RIC3: variants seen among roughly 807,000 people sequenced by gnomAD.
RIC3 encodes RIC3 acetylcholine receptor chaperone, also known as protein RIC-3.
A neutral mutation model predicts 27.3 loss-of-function variants in RIC3; 28 were observed. The ratio of observed to expected loss-of-function variants is 1.02; its 90% CI spans 0.76 to 1.41. The LOEUF (loss-of-function observed/expected upper bound fraction) is 1.41, where lower values mean the gene tolerates loss of function less well. Among genes scored for constraint, RIC3 ranks in the 40% most tolerant of loss-of-function variants. RIC3 has a pLI of 0.00. For synonymous variants in RIC3, 184 were observed against 160.4 expected (o/e 1.15, Z -1.11); for missense variants, 501 against 444.7 (o/e 1.13, Z -1.14).
At chr11:8,111,755 T>C (rs956533828) in intron 5 of RIC3, among the ~76,000 whole-genome samples, 6 of 152,150 alleles carry the variant, frequency 3.9e-5, no homozygotes, top group Non-Finnish European at 4.4e-5. Flanking sequence ...CTTCACAAAA[T>C]GGAACAAAAG....
At position 8,106,411 on chromosome 11, in the gene RIC3, C is replaced by G. The variant is rs1269882146; in HGVS notation, c.*4287G>C. 1 of 152,216 alleles carries G rather than the reference C, an allele frequency of 6.6e-6. No homozygotes were observed. The highest frequency in any genetic ancestry group is 2.4e-5 in the African/African-American group (1 of 41,450). The allele number at this position is 152,216 out of a possible 1,614,324, so 9.4% of individuals were successfully genotyped here. ...CATGTGGGTCAACACTGTCCTTCCTCTGGCCTGTGCCTTTCAAGTTTAAGG... is the reference window on the plus strand; with the variant it reads ...CATGTGGGTCAACACTGTCCTTCCTGTGGCCTGTGCCTTTCAAGTTTAAGG... On this transcript the variant is annotated 3_prime_UTR_variant, in exon 6 of 6. Transcript: ENST00000309737.
the RIC3 span, chr11:8,096,901 A>G: frequency 1.4e-6 from 2 of 1,430,972 alleles, no homozygotes; most frequent in African/African-American, 1.4e-5. Flanking sequence ...GTATGCCTTT[A>G]GGAGCTTCTC....
intron 1 of RIC3, among the ~76,000 whole-genome samples, chr11:8,147,730 T>TC (rs1279242327): frequency 6.7e-6 from 1 of 149,306 alleles, no homozygotes; most frequent in African/African-American, 2.5e-5. Flanking sequence ...TAAGATTTTT[T>TC]TTTTTTTTTT....
chr11:8,127,478 G>T (rs1947127301), intron 4 of RIC3, among the ~76,000 whole-genome samples: 1 of 152,204 alleles, frequency 6.6e-6, no homozygotes, highest in Non-Finnish European at 1.5e-5. Flanking sequence ...CGCAATTCTT[G>T]AAGCACAGTG....
chr11:8,165,257 T>C (rs1951573430), intron 1 of RIC3, among the ~76,000 whole-genome samples: 1 of 152,244 alleles, frequency 6.6e-6, no homozygotes, highest in African/African-American at 2.4e-5. Flanking sequence ...GTAGCAACAT[T>C]ATTCATAATA....
chr11:8,095,796 C>A, the RIC3 span: 1 of 1,013,934 alleles, frequency 9.9e-7, no homozygotes, highest in Non-Finnish European at 1.4e-6. Context: ...GTGGGGCACA[C>A]TTCGGAGACA....
intron 1 of RIC3, among the ~76,000 whole-genome samples, chr11:8,155,747 T>C (rs181418173): frequency 2.0e-5 from 3 of 152,256 alleles, no homozygotes; most frequent in Admixed American, 1.3e-4. Context: ...AATAAATCTA[T>C]AAAGAACTGG....
intron 1 of RIC3, among the ~76,000 whole-genome samples, chr11:8,155,887 T>A (rs1950616681): frequency 6.6e-6 from 1 of 152,230 alleles, no homozygotes; most frequent in Admixed American, 6.5e-5. Flanking sequence ...TGATTCAGCA[T>A]TACTTGAAGT....
intron 4 of RIC3, among the ~76,000 whole-genome samples, chr11:8,136,458 T>C (rs1242327035): frequency 6.6e-6 from 1 of 152,212 alleles, no homozygotes; most frequent in Non-Finnish European, 1.5e-5. Context: ...TTGTCCTCCA[T>C]CTTACATTCT....
chr11:8,111,905 G>A (rs933360967), intron 5 of RIC3, among the ~76,000 whole-genome samples: 2 of 152,244 alleles, frequency 1.3e-5, no homozygotes, highest in Non-Finnish European at 2.9e-5. Flanking sequence ...AGCAGCAGAT[G>A]GGCCGTGCTG....
At chr11:8,153,441 A>G in intron 1 of RIC3, 1 of 452,578 alleles carries the variant, frequency 2.2e-6, no homozygotes, top group Non-Finnish European at 4.4e-6. Context: ...ACAAAAAAGT[A>G]ATTATCACAT....
chr11:8,099,688 C>T, the RIC3 span, among the ~76,000 whole-genome samples: 5 of 152,136 alleles, frequency 3.3e-5, no homozygotes, highest in South Asian at 6.2e-4. Flanking sequence ...TCTTTATAAA[C>T]ACTAAGAAGA....
chr11:8,151,981 C>G (rs1472391921), intron 1 of RIC3, among the ~76,000 whole-genome samples: 11 of 151,656 alleles, frequency 7.3e-5, no homozygotes, highest in Non-Finnish European at 2.9e-5. Context: ...AAACAAATGT[C>G]CAATAAGCAC....
At chr11:8,094,180 A>G in the RIC3 span, 1 of 1,612,754 alleles carries the variant, frequency 6.2e-7, no homozygotes. Context: ...GAAGAAGGGA[A>G]AGCACAAAGG....
rs959125470 is a variant in RIC3 at position 8,162,622 on chromosome 11, G to C, written c.124+6244C>G. Among the ~76,000 whole-genome samples the C allele has an allele frequency of 1.4e-4, 19 of 138,624 alleles. 1 individual carries two copies. The highest frequency in any genetic ancestry group is 2.1e-4 in the Non-Finnish European group (14 of 65,248). The allele number at this position is 138,624 out of a possible 152,430, so 90.9% of individuals were successfully genotyped here. On this transcript the variant is annotated intron_variant, in intron 1 of 5. Coordinates refer to ENST00000309737, the MANE Select transcript of RIC3 (RefSeq NM_001206671.4). ...CTCTGAGGATACTTCAAGGCTCCAT[G>C]CTTCTTCTTTTTTTTTTTTTTTTTT...
At chr11:8,133,885 T>A (rs1948039069) in intron 4 of RIC3, among the ~76,000 whole-genome samples, 1 of 152,096 alleles carries the variant, frequency 6.6e-6, no homozygotes, top group Non-Finnish European at 1.5e-5. Context: ...TAAATAATAA[T>A]GAGAAAATAT....
chr11:8,129,198 C>T lies in RIC3; in HGVS notation c.522-2391G>A, dbSNP rs116126839. On this transcript the variant is annotated intron_variant, in intron 4 of 5. Transcript: ENST00000309737. ...CCTTAGCTATTGAGACATTTGTATT[C>T]TCCCACTTCTTTAAACATTCCTTTT... Among the ~76,000 whole-genome samples the T allele has an allele frequency of 3.0e-3, 455 of 151,932 alleles. 6 individuals carry two copies. The highest frequency in any genetic ancestry group is 9.7e-3 in the African/African-American group (400 of 41,420).
chr11:8,121,085 A>C (rs1946393694), intron 5 of RIC3, among the ~76,000 whole-genome samples: 1 of 152,218 alleles, frequency 6.6e-6, no homozygotes, highest in South Asian at 2.1e-4. Flanking sequence ...ATCTGTAAGA[A>C]TTATCAACAT....
chr11:8,155,614 C>T (rs1278787280), intron 1 of RIC3, among the ~76,000 whole-genome samples: 2 of 152,150 alleles, frequency 1.3e-5, no homozygotes, highest in Non-Finnish European at 1.5e-5. Context: ...AAGTGAAGCT[C>T]TACTTTCCTT....
Sources: gnomAD v4.1 joint callset for allele counts (sites outside exome capture counted in the v4.1 genomes callset) on GRCh38, gnomAD v4.1.1 for gene constraint, MANE v1.5 for transcripts, NCBI Gene and HGNC (gene_info 2026-07-23, HGNC 2026-07-21) for gene names.